The following CHRNA10 variants were observed in gnomAD, a reference collection of about 807,000 sequenced individuals.
CHRNA10 encodes neuronal acetylcholine receptor subunit alpha-10.
In CHRNA10, 31 loss-of-function variants were observed where a neutral mutation model predicts 36.0. The observed-to-expected ratio is 0.86, with a 90% CI of 0.65 to 1.16. The LOEUF is 1.16. Ranked by LOEUF, CHRNA10 falls within the 50% of genes most tolerant of loss-of-function variation. The pLI, the probability that CHRNA10 is intolerant of heterozygous loss-of-function variation, is 0.00. For missense variants in CHRNA10, 648 were observed against 640.9 expected, an observed-to-expected ratio of 1.01 and a Z score of -0.12; for synonymous variants, 302 against 287.0, an observed-to-expected ratio of 1.05 and a Z score of -0.53.
intron 1 of CHRNA10, 121 bp downstream of exon 1, chr11:3,671,131 C>T: frequency 9.7e-7 from 1 of 1,035,514 alleles, no homozygotes; most frequent in South Asian, 1.3e-5. Flanking sequence ...AAATAGAGAG[C>T]TTGTTCTCAG....
At position 3,667,741 on chromosome 11, in the gene CHRNA10, G is replaced by C; in HGVS notation, c.386C>G (p.Ser129Cys). The change falls in exon 4 of 5, where the codon TCC (serine) becomes TGC (cysteine). Residue 129 changes from serine to cysteine, a missense_variant. Transcript: ENST00000250699. ...YNKADAQPPG[S>C]ASTNVVLRHD... ...GCGCAGGACCACGTTGGTGCTGGCG[G>C]AACCTGGAGGCTGCGCGTCGGCTCT... is the stretch of plus-strand genomic sequence containing the variant. 1 of 1,557,214 alleles carries C rather than the reference G, an allele frequency of 6.4e-7. No individual in the cohort carries two copies. Among genetic ancestry groups the C allele is most frequent in the Non-Finnish European group, 8.6e-7 (1 of 1,159,228 alleles).
chr11:3,667,912 C>G lies in CHRNA10; in HGVS notation c.363-148G>C. The G allele has an allele frequency of 5.7e-6, 4 of 698,302 alleles. No homozygotes were observed. The South Asian group carries it at 8.5e-5, about 15-fold the overall frequency. The allele number at this position is 698,302 out of a possible 1,614,324, so 43.3% of individuals were successfully genotyped here. On this transcript the variant is annotated intron_variant, in intron 3 of 4. Transcript: ENST00000250699. ...AGGCTCGTTAAGTTCGAGACACTCA[C>G]GACGCAGGGGAGCACCTGGCCCCAG...
chr11:3,666,222 T>C lies in CHRNA10; in HGVS notation c.1238A>G (p.Gln413Arg), dbSNP rs751247762. The part of the protein sequence containing the change: ...ANTFRSHRAA[Q>R]RCHEDWKRLA... ...GCGCTTCCAGTCCTCATGGCAGCGC[T>C]GGGCAGCTCGGTGGCTGCGGAAGGT... Residue 413 changes from glutamine to arginine, a missense_variant, in exon 5 of 5, where the codon CAG (glutamine) becomes CGG (arginine). Transcript: ENST00000250699. The C allele has an allele frequency of 7.1e-5, 115 of 1,613,958 alleles. No individual in the cohort carries two copies. The highest frequency in any genetic ancestry group is 9.7e-5 in the Non-Finnish European group (114 of 1,180,016).
intron 1 of CHRNA10, chr11:3,670,965 G>T: frequency 4.0e-6 from 2 of 498,210 alleles, no homozygotes; most frequent in Admixed American, 6.5e-5. Context: ...CCCGTCATCT[G>T]CAGGAGAAAG....
At chr11:3,670,377 C>A (rs1008478680) in intron 1 of CHRNA10, among the ~76,000 whole-genome samples, 23 of 152,184 alleles carry the variant, frequency 1.5e-4, no homozygotes, top group African/African-American at 5.6e-4. Flanking sequence ...ATGGAACACT[C>A]CCTCACTCTG....
At chr11:3,669,101 G>T in intron 3 of CHRNA10, 95 bp downstream of exon 3, 2 of 1,401,394 alleles carry the variant, frequency 1.4e-6, no homozygotes, top group African/African-American at 1.4e-5. Flanking sequence ...GTGGCAACCA[G>T]GTTATGTGGT....
In CHRNA10 at chr11:3,667,615, G is replaced by A; in HGVS notation, c.512C>T (p.Thr171Met). 1 of 1,557,044 alleles carries A rather than the reference G, an allele frequency of 6.4e-7. No individual in the cohort carries two copies. The highest frequency in any genetic ancestry group is 8.7e-7 in the Non-Finnish European group (1 of 1,156,026). The change falls in exon 4 of 5, where the codon ACG becomes ATG. Residue 171 changes from threonine to methionine, a missense_variant. By Grantham distance (81) the Thr-to-Met change is moderately conservative. Coordinates refer to ENST00000250699, the MANE Select transcript of CHRNA10 (RefSeq NM_020402.4). The part of the protein sequence containing the change: ...FPFDAQHCGL[T>M]FGSWTHGGHQ... ...CCCGCCGTGAGTCCAGGAGCCGAAC[G>A]TCAGGCCGCAGTGCTGGGCGTCGAA...
chr11:3,669,094 G>T (rs1358093251), intron 3 of CHRNA10, 102 bp downstream of exon 3: 1 of 1,341,008 alleles, frequency 7.5e-7, no homozygotes. Context: ...GGGCAGCGTG[G>T]CAACCAGGTT....
intron 4 of CHRNA10, among the ~76,000 whole-genome samples, chr11:3,666,812 T>C (rs749002721): frequency 6.6e-6 from 1 of 152,150 alleles, no homozygotes; most frequent in Non-Finnish European, 1.5e-5. Context: ...TCATACACAA[T>C]CCAGGACAGT....
rs1458608502 is a variant in CHRNA10 at position 3,666,139 on chromosome 11, T to C, written c.1321A>G (p.Met441Val). Residue 441 changes from methionine (M) to valine (V), a missense_variant, in exon 5 of 5, where the codon ATG (methionine) becomes GTG (valine). Coordinates refer to ENST00000250699, the MANE Select transcript of CHRNA10 (RefSeq NM_020402.4). The stretch of plus-strand genomic sequence containing the variant: ...GCCTGCACCAGCACCAGGAGGCTCA[T>C]GACCAGGGCCATGGAGAAGAAGATG... ...LAIFFSMALVMSLLVLVQAL is the reference protein window; with the variant it reads ...LAIFFSMALVVSLLVLVQAL 2.5e-6 allele frequency: 4 copies of C among 1,582,438 alleles called. No individual in the cohort carries two copies. Among genetic ancestry groups the C allele is most frequent in the African/African-American group, 2.7e-5 (2 of 74,006 alleles).
In CHRNA10 at chr11:3,665,822, C is replaced by T; in HGVS notation, c.*285G>A. 2.9e-6 allele frequency: 1 copy of T among 349,088 alleles called. No homozygotes were observed. Among genetic ancestry groups the T allele is most frequent in the Non-Finnish European group, 5.2e-6 (1 of 192,972 alleles). 21.6% of individuals were successfully genotyped at this position (349,088 alleles called of 1,614,324 possible). ...TGCTCCCCACTGAGAGCTCCAATAC[C>T]CAGCACAAACAATTCTGTCCCTCCA... On this transcript the variant is annotated 3_prime_UTR_variant, in exon 5 of 5. Transcript: ENST00000250699.
chr11:3,669,113 G>A (rs2077693392), intron 3 of CHRNA10, 83 bp downstream of exon 3: 6 of 1,456,724 alleles, frequency 4.1e-6, no homozygotes, highest in South Asian at 1.3e-5. Flanking sequence ...TTATGTGGTA[G>A]GGAGAGGGGA....
Position 3,667,239 on chromosome 11 carries a change from CGGCACGCTCTCGGCCGGT to C in CHRNA10, c.870_887del (p.Pro291_Pro296del). ...CGCGCCCCCGCTGCTCACCGATGAG[CGGCACGCTCTCGGCCGGT>C]GGCATGCTCTCGGCCAGCAGCAACT... On this transcript the variant is annotated inframe_deletion, in exon 4 of 5. Coordinates refer to ENST00000250699, the MANE Select transcript of CHRNA10 (RefSeq NM_020402.4). The C allele has an allele frequency of 6.3e-7, 1 of 1,582,344 alleles. No individual in the cohort carries two copies. Among genetic ancestry groups the C allele is most frequent in the Non-Finnish European group, 8.5e-7 (1 of 1,172,292 alleles).
rs1302775487 is a variant in CHRNA10, at chr11:3,666,215, G to A, written c.1245C>T (p.Cys415=). ...TFRSHRAAQR[C]HEDWKRLARV... ...GGGCCAGGCGCTTCCAGTCCTCATGGCAGCGCTGGGCAGCTCGGTGGCTGC... is the reference window on the plus strand; with the variant it reads ...GGGCCAGGCGCTTCCAGTCCTCATGACAGCGCTGGGCAGCTCGGTGGCTGC... The change falls in exon 5 of 5, where the codon TGC becomes TGT. Residue 415 remains cysteine (C), a synonymous_variant. Coordinates refer to ENST00000250699, the MANE Select transcript of CHRNA10 (RefSeq NM_020402.4). The A allele has an allele frequency of 6.2e-7, 1 of 1,614,096 alleles. No individual in the cohort carries two copies. Among genetic ancestry groups the A allele is most frequent in the Admixed American group, 1.7e-5 (1 of 60,024 alleles).
Position 3,669,315 on chromosome 11 carries a change from C to G in CHRNA10, c.243G>C (p.Trp81Cys). 1 of 1,614,076 alleles carries G rather than the reference C, an allele frequency of 6.2e-7. No homozygotes were observed. Among genetic ancestry groups the G allele is most frequent in the Non-Finnish European group, 8.5e-7 (1 of 1,179,972 alleles). Reference protein sequence around the residue: ...ERNQVLTLYLWIRQEWTDAYL... With the variant: ...ERNQVLTLYLCIRQEWTDAYL... ...AGGCATCTGTCCACTCCTGCCGTATCCACAGATACAGGGTCAGCACCTGGT... is the reference window on the plus strand; with the variant it reads ...AGGCATCTGTCCACTCCTGCCGTATGCACAGATACAGGGTCAGCACCTGGT... Residue 81 changes from tryptophan (W) to cysteine (C), a missense_variant, in exon 3 of 5, where the codon TGG becomes TGC. By Grantham distance (215) the Trp-to-Cys change is radical. Coordinates refer to ENST00000250699, the MANE Select transcript of CHRNA10 (RefSeq NM_020402.4).
chr11:3,669,948 G>T lies in CHRNA10; in HGVS notation c.62-7C>A, dbSNP rs1320351310. On this transcript the variant is annotated splice_region_variant and splice_polypyrimidine_tract_variant and intron_variant, in intron 1 of 4. Coordinates refer to ENST00000250699, the MANE Select transcript of CHRNA10 (RefSeq NM_020402.4). Reference sequence around the variant, plus strand: ...CCCTCAGCTCCCAGGCACTCTGGAGGGTCAGTAAGGAGGGTTGTCCATCCC... The same window carrying T: ...CCCTCAGCTCCCAGGCACTCTGGAGTGTCAGTAAGGAGGGTTGTCCATCCC... 1.2e-6 allele frequency: 2 copies of T among 1,614,088 alleles called. No homozygotes were observed. The highest frequency in any genetic ancestry group is 1.3e-5 in the African/African-American group (1 of 75,034).
chr11:3,671,111 C>T (rs2077710489), intron 1 of CHRNA10, 141 bp downstream of exon 1: 1 of 885,984 alleles, frequency 1.1e-6, no homozygotes, highest in Non-Finnish European at 1.8e-6. Context: ...CCCTCTCCTC[C>T]ACACTCCCCA....
At position 3,669,899 on chromosome 11, in the gene CHRNA10, C is replaced by T. The variant is rs762641044; in HGVS notation, c.104G>A (p.Arg35His). 6.2e-6 allele frequency: 10 copies of T among 1,614,154 alleles called. No homozygotes were observed. Among genetic ancestry groups the T allele is most frequent in the East Asian group, 2.2e-5 (1 of 44,872 alleles). The change falls in exon 2 of 5, where the codon CGT becomes CAT. Residue 35 changes from arginine (R) to histidine (H), a missense_variant. By Grantham distance (29) the Arg-to-His change is conservative (BLOSUM62 0). Transcript: ENST00000250699. ...AEGRLALKLF[R>H]DLFANYTSAL... ...ACTTGTGTAGTTGGCAAAGAGGTCA[C>T]GGAACAGCTTGAGAGCCAGCCGGCC... is the stretch of plus-strand genomic sequence containing the variant.
Position 3,666,574 on chromosome 11 carries a change from A to G in CHRNA10, c.896-10T>C. Reference sequence around the variant, plus strand: ...GCCATGTAGTACTTCCCTGCAAGAGAGAGAGAAAGCCAATTGACTCAAAAC... The same window carrying G: ...GCCATGTAGTACTTCCCTGCAAGAGGGAGAGAAAGCCAATTGACTCAAAAC... On this transcript the variant is annotated splice_polypyrimidine_tract_variant and intron_variant, in intron 4 of 4. Transcript: ENST00000250699. 7 of 1,516,960 alleles carry G rather than the reference A, an allele frequency of 4.6e-6. No homozygotes were observed. The highest frequency in any genetic ancestry group is 5.3e-6 in the Non-Finnish European group (6 of 1,131,574). 94.0% of individuals were successfully genotyped at this position (1,516,960 alleles called of 1,614,324 possible).
Sources: allele counts gnomAD v4.1 joint callset (sites outside exome capture counted in the v4.1 genomes callset), GRCh38; gene constraint gnomAD v4.1.1; transcripts MANE v1.5; gene names NCBI Gene and HGNC (gene_info 2026-07-23, HGNC 2026-07-21).